The following CNTN5 variants were observed in gnomAD, a reference collection of about 807,000 sequenced individuals.
The protein encoded by CNTN5 is contactin 5.
A neutral mutation model predicts 129.1 loss-of-function variants in CNTN5; 77 were observed. The observed-to-expected ratio is 0.60, with a 90% CI of 0.50 to 0.72. The LOEUF is 0.72. Ranked by LOEUF, CNTN5 falls within the 30% of genes least tolerant of loss-of-function variation. The probability of loss-of-function intolerance (pLI) is 0.00; values close to 1 mark genes in which losing one functional copy is unlikely to be tolerated. For missense variants in CNTN5, 1,478 were observed against 1,328.8 expected, an observed-to-expected ratio of 1.11 and a Z score of -1.75; for synonymous variants, 509 against 465.6, an observed-to-expected ratio of 1.09 and a Z score of -1.20.
intron 3 of CNTN5, among the ~76,000 whole-genome samples, chr11:99,576,233 T>G (rs948391920): frequency 6.6e-6 from 1 of 152,220 alleles, no homozygotes; most frequent in Non-Finnish European, 1.5e-5. Flanking sequence ...TATATTAGTA[T>G]TCTCAAAATG....
rs139244655 is a variant in CNTN5 at position 99,048,774 on chromosome 11, T to C, written c.-210+27504T>C. On this transcript the variant is annotated intron_variant, in intron 1 of 24. Transcript: ENST00000524871. ...GAAATTCAAGAGGACCTTAATCCAGTGAAATGAATACTGCCATTTTGGCAT... is the reference window on the plus strand; with the variant it reads ...GAAATTCAAGAGGACCTTAATCCAGCGAAATGAATACTGCCATTTTGGCAT... Among the ~76,000 whole-genome samples the C allele has an allele frequency of 1.9e-3, 286 of 152,272 alleles. 1 individual carries two copies. The highest frequency in any genetic ancestry group is 6.6e-3 in the African/African-American group (276 of 41,562).
intron 7 of CNTN5, among the ~76,000 whole-genome samples, chr11:99,940,950 C>T (rs1383142833): frequency 6.6e-6 from 1 of 151,954 alleles, no homozygotes; most frequent in Non-Finnish European, 1.5e-5. Context: ...ACAAGGATGG[C>T]ATGTTTTGTA....
intron 2 of CNTN5, among the ~76,000 whole-genome samples, chr11:99,397,073 G>T (rs2136201438): frequency 6.6e-6 from 1 of 151,836 alleles, no homozygotes. Context: ...TCAGAACTCT[G>T]ATGCCAATGG....
At chr11:100,032,107 C>G (rs1049136505) in intron 9 of CNTN5, among the ~76,000 whole-genome samples, 3 of 152,120 alleles carry the variant, frequency 2.0e-5, no homozygotes, top group African/African-American at 4.8e-5. Flanking sequence ...CAACTTGAAA[C>G]AATGTTTCAG....
At chr11:100,216,538 C>T (rs193083420) in intron 15 of CNTN5, among the ~76,000 whole-genome samples, 3 of 151,832 alleles carry the variant, frequency 2.0e-5, no homozygotes, top group Admixed American at 6.6e-5. Context: ...ACTGAGGACA[C>T]GTCAGTTGTG....
intron 13 of CNTN5, among the ~76,000 whole-genome samples, chr11:100,087,564 A>C (rs1175699412): frequency 6.6e-6 from 1 of 151,972 alleles, no homozygotes; most frequent in African/African-American, 2.4e-5. Flanking sequence ...TAAAGGGTTC[A>C]ATTCAACAAG....
chr11:100,304,174 G>A (rs1016022573), intron 20 of CNTN5, among the ~76,000 whole-genome samples: 3 of 151,432 alleles, frequency 2.0e-5, no homozygotes, highest in African/African-American at 4.8e-5. Flanking sequence ...AGAAACAAAC[G>A]TATCAATCAA....
chr11:100,182,975 G>T (rs1948183770), intron 13 of CNTN5, among the ~76,000 whole-genome samples: 2 of 151,892 alleles, frequency 1.3e-5, no homozygotes, highest in African/African-American at 4.8e-5. Flanking sequence ...TGAACAATTA[G>T]CTCACCAAAG....
rs1175757582 is a variant in CNTN5, at chr11:100,271,167, G to A, written c.2240G>A (p.Arg747Gln). The change falls in exon 18 of 25, where the codon CGA becomes CAA. Residue 747 changes from arginine to glutamine, a missense_variant. By Grantham distance (43) the Arg-to-Gln change is conservative. Coordinates refer to ENST00000524871, the MANE Select transcript of CNTN5 (RefSeq NM_014361.4). ...DLNPWVEYEF[R>Q]VVATNPIGTG... ...AATCCCTGGGTGGAATATGAATTTC[G>A]AGTGGTAGCCACCAACCCTATTGGG... 5.6e-6 allele frequency: 9 copies of A among 1,613,104 alleles called. No homozygotes were observed. The highest frequency in any genetic ancestry group is 7.6e-6 in the Non-Finnish European group (9 of 1,179,584).
intron 2 of CNTN5, among the ~76,000 whole-genome samples, chr11:99,545,214 G>T (rs1400287177): frequency 6.6e-6 from 1 of 152,244 alleles, no homozygotes; most frequent in African/African-American, 2.4e-5. Context: ...ACTCCTAAGG[G>T]TATTTCTATT....
chr11:99,727,912 TAAA>T (rs1032625634), intron 3 of CNTN5, among the ~76,000 whole-genome samples: 1 of 89,472 alleles, frequency 1.1e-5, no homozygotes, highest in Non-Finnish European at 2.1e-5. Flanking sequence ...CTATTTTACA[TAAA>T]AAAAATTGAG....
intron 2 of CNTN5, among the ~76,000 whole-genome samples, chr11:99,406,201 C>T (rs4754626): frequency 0.75 from 113,032 of 151,664 alleles, 42,963 homozygotes; most frequent in African/African-American, 0.9. Context: ...CTGGGAAGGC[C>T]TACCAGATAT....
chr11:99,534,982 T>C (rs924415432), intron 2 of CNTN5, among the ~76,000 whole-genome samples: 3 of 152,050 alleles, frequency 2.0e-5, no homozygotes, highest in African/African-American at 7.2e-5. Context: ...TGGAGTGGAA[T>C]GAATAATAGA....
At chr11:99,927,636 C>T (rs891901367) in intron 7 of CNTN5, among the ~76,000 whole-genome samples, 2 of 152,038 alleles carry the variant, frequency 1.3e-5, no homozygotes, top group Non-Finnish European at 2.9e-5. Flanking sequence ...GGAGAACTTG[C>T]TCACTGTCAT....
intron 1 of CNTN5, among the ~76,000 whole-genome samples, chr11:99,097,746 T>G (rs1238224074): frequency 6.6e-6 from 1 of 151,890 alleles, no homozygotes; most frequent in Non-Finnish European, 1.5e-5. Context: ...ATTTTGGTAA[T>G]AGAAAGCACC....
chr11:99,465,802 C>A (rs907108868), intron 2 of CNTN5, among the ~76,000 whole-genome samples: 5 of 144,830 alleles, frequency 3.5e-5, no homozygotes, highest in Non-Finnish European at 7.5e-5. Context: ...TGGTGGAAGG[C>A]AAAGGGGGAA....
chr11:99,727,535 A>G (rs1943393290), intron 3 of CNTN5, among the ~76,000 whole-genome samples: 1 of 151,956 alleles, frequency 6.6e-6, no homozygotes, highest in Non-Finnish European at 1.5e-5. Flanking sequence ...AGTTGTAAGC[A>G]TCAAATTTTC....
intron 17 of CNTN5, among the ~76,000 whole-genome samples, chr11:100,270,101 TA>T (rs1285041528): frequency 6.6e-6 from 1 of 152,118 alleles, no homozygotes; most frequent in Non-Finnish European, 1.5e-5. Context: ...GTCACTGCTT[TA>T]AAAAAACACA....
At chr11:99,378,866 G>A (rs1453405886) in intron 2 of CNTN5, among the ~76,000 whole-genome samples, 1 of 152,044 alleles carries the variant, frequency 6.6e-6, no homozygotes, top group Non-Finnish European at 1.5e-5. Context: ...TATAATAGTT[G>A]CTTTTAGATA....
Sources: allele counts gnomAD v4.1 joint callset (sites outside exome capture counted in the v4.1 genomes callset), GRCh38; gene constraint gnomAD v4.1.1; transcripts MANE v1.5; gene names NCBI Gene and HGNC (gene_info 2026-07-23, HGNC 2026-07-21).